The following NDC80 variants were observed in gnomAD, a reference collection of about 807,000 sequenced individuals.
NDC80 encodes the protein kinetochore protein NDC80 homolog.
A neutral mutation model predicts 89.3 loss-of-function variants in NDC80; 69 were observed. The observed-to-expected ratio is 0.77, with a 90% CI of 0.64 to 0.94. The LOEUF is 0.94. Ranked by LOEUF, NDC80 falls within the 40% of genes least tolerant of loss-of-function variation. The probability of loss-of-function intolerance (pLI) is 0.00; values close to 1 mark genes in which losing one functional copy is unlikely to be tolerated. For missense variants in NDC80, 593 were observed against 739.6 expected, an observed-to-expected ratio of 0.80 and a Z score of 2.30; for synonymous variants, 243 against 255.6, an observed-to-expected ratio of 0.95 and a Z score of 0.47.
chr18:2,589,807 T>C (rs1380652847), intron 9 of NDC80, among the ~76,000 whole-genome samples: 1 of 134,982 alleles, frequency 7.4e-6, no homozygotes, highest in East Asian at 1.9e-4. Context: ...ATATTTGTGC[T>C]TTTTCAACCC....
At chr18:2,584,788 T>C (rs1300366799) in intron 6 of NDC80, among the ~76,000 whole-genome samples, 1 of 152,190 alleles carries the variant, frequency 6.6e-6, no homozygotes, top group Non-Finnish European at 1.5e-5. Context: ...TGTGTATATT[T>C]GCACTTACTG....
rs774322324 is a variant in NDC80, at chr18:2,599,140, A to G, written c.1343A>G (p.Asn448Ser). The G allele has an allele frequency of 5.0e-6, 8 of 1,613,054 alleles. No homozygotes were observed. In the South Asian group the frequency reaches 8.8e-5, roughly 18 times the overall value. The change falls in exon 12 of 17, where the codon AAC (asparagine) becomes AGC (serine). Residue 448 changes from asparagine to serine, a missense_variant. Physicochemically the swap from Asn to Ser is conservative, Grantham distance 46. Coordinates refer to ENST00000261597, the MANE Select transcript of NDC80 (RefSeq NM_006101.3). ...EIKFNPEAGA[N>S]CLVKYRAQVY... is the part of the protein sequence containing the mutation. ...AAGTTTAATCCCGAGGCTGGTGCCA[A>G]CTGCCTTGTCAAATACAGGGCTCAA...
intron 16 of NDC80, among the ~76,000 whole-genome samples, chr18:2,612,956 C>T (rs1388642962): frequency 4.6e-5 from 7 of 152,212 alleles, no homozygotes; most frequent in Non-Finnish European, 1.5e-5. Context: ...GGAAACTTTA[C>T]AATGAGTAAT....
At position 2,612,276 on chromosome 18, in the gene NDC80, C is replaced by CTTTTTTTTTTTTT. The variant is rs55648444; in HGVS notation, c.1791+1436_1791+1448dup. On this transcript the variant is annotated intron_variant, in intron 16 of 16. Transcript: ENST00000261597. ...TAGCACCTCTGACTTTCTTTTCTTT[C>CTTTTTTTTTTTTT]TTTTTTTTTTTTTTTTTTTTTTTTT... Among the ~76,000 whole-genome samples the CTTTTTTTTTTTTT allele has an allele frequency of 2.2e-3, 130 of 60,414 alleles. 11 individuals carry two copies. Among genetic ancestry groups the CTTTTTTTTTTTTT allele is most frequent in the African/African-American group, 3.2e-3 (49 of 15,514 alleles). The allele number at this position is 60,414 out of a possible 152,430, so 39.6% of individuals were successfully genotyped here.
chr18:2,572,953 T>C lies in NDC80; in HGVS notation c.-9-24T>C, dbSNP rs534491153. On this transcript the variant is annotated intron_variant, in intron 1 of 16. Coordinates refer to ENST00000261597, the MANE Select transcript of NDC80 (RefSeq NM_006101.3). ...CCATCTCTGTCTGGAAAGTTTTTTT[T>C]AAATACTGAATTCGTGAATGTAGGT... 493 of 1,592,030 alleles carry C rather than the reference T, an allele frequency of 3.1e-4. 12 individuals are homozygous for C. The South Asian group carries it at 5.3e-3, about 17-fold the overall frequency.
rs368083957 is a variant in NDC80, at chr18:2,573,135, C to G, written c.101+49C>G. The G allele has an allele frequency of 1.5e-4, 217 of 1,401,612 alleles. No individual in the cohort carries two copies. The African/African-American group carries it at 2.5e-3, about 16-fold the overall frequency. The allele number at this position is 1,401,612 out of a possible 1,614,324, so 86.8% of individuals were successfully genotyped here. ...AATTTGCATGCTTTATCATCTTAGG[C>G]AAAGAAATCATAAGAAATAGTTAAT... On this transcript the variant is annotated intron_variant, in intron 2 of 16. Coordinates refer to ENST00000261597, the MANE Select transcript of NDC80 (RefSeq NM_006101.3).
At chr18:2,612,735 C>T (rs1382792057) in intron 16 of NDC80, among the ~76,000 whole-genome samples, 1 of 152,116 alleles carries the variant, frequency 6.6e-6, no homozygotes. Context: ...TGGTAAGTTA[C>T]TATTATTTTT....
intron 16 of NDC80, among the ~76,000 whole-genome samples, 164 bp downstream of exon 16, chr18:2,611,025 A>T (rs2072741486): frequency 6.7e-6 from 1 of 149,524 alleles, no homozygotes; most frequent in Non-Finnish European, 1.5e-5. Flanking sequence ...TGGCAACGTG[A>T]TGCAGGGGAA....
Position 2,578,996 on chromosome 18 carries a change from G to T in NDC80, c.546G>T (p.Val182=). ...CTCCTCATACATGGCCTCACATTGT[G>T]GCAGCCTTAGTTTGGCTAATAGACT... The part of the protein sequence containing the change: ...VGAPHTWPHI[V]AALVWLIDCI... Residue 182 remains valine (V), a synonymous_variant, in exon 6 of 17, where the codon GTG becomes GTT. Transcript: ENST00000261597. 6.3e-7 allele frequency: 1 copy of T among 1,577,728 alleles called. No homozygotes were observed. Among genetic ancestry groups the T allele is most frequent in the Non-Finnish European group, 8.6e-7 (1 of 1,161,750 alleles).
At chr18:2,593,988 C>T (rs900773119) in intron 10 of NDC80, 2 of 169,226 alleles carry the variant, frequency 1.2e-5, no homozygotes, top group Non-Finnish European at 2.5e-5. Context: ...CAGCAGCCTC[C>T]GCCTCCCAGA....
chr18:2,611,406 T>C (rs1042468328), intron 16 of NDC80, among the ~76,000 whole-genome samples: 1 of 152,228 alleles, frequency 6.6e-6, no homozygotes, highest in Admixed American at 6.5e-5. Flanking sequence ...TATGATGTTA[T>C]GTATTACACC....
chr18:2,614,967 G>C (rs1445955251), intron 16 of NDC80: 1 of 152,254 alleles, frequency 6.6e-6, no homozygotes, highest in Non-Finnish European at 1.5e-5. Context: ...CGGATGCTGG[G>C]GTGAAGCAGC....
chr18:2,574,952 T>G, intron 2 of NDC80, 37 bp from the exon 3 acceptor site: 3 of 1,362,162 alleles, frequency 2.2e-6, no homozygotes, highest in Non-Finnish European at 3.1e-6. Flanking sequence ...TAATTTTAAT[T>G]TTTATTTTAA....
chr18:2,579,176 C>T, intron 6 of NDC80, 147 bp downstream of exon 6: 1 of 427,340 alleles, frequency 2.3e-6, no homozygotes. Context: ...TTAAGTTTTT[C>T]AAACTATTAT....
At chr18:2,610,985 A>C (rs2072741147) in intron 16 of NDC80, 124 bp downstream of exon 16, 4 of 499,462 alleles carry the variant, frequency 8.0e-6, no homozygotes, top group Non-Finnish European at 1.3e-5. Flanking sequence ...ATCTGGCAAA[A>C]ATTTATCAGA....
intron 2 of NDC80, among the ~76,000 whole-genome samples, chr18:2,573,677 A>C (rs1250106696): frequency 6.6e-6 from 1 of 152,238 alleles, no homozygotes; most frequent in Non-Finnish European, 1.5e-5. Flanking sequence ...ACCGAGGTAC[A>C]AGTTACTTGC....
In NDC80 at chr18:2,573,010, G is replaced by A. The variant is rs752718727; in HGVS notation, c.25G>A (p.Gly9Ser). The change falls in exon 2 of 17, where the codon GGT (glycine) becomes AGT (serine). Residue 9 changes from glycine to serine, a missense_variant. Physicochemically the swap from Gly to Ser is moderately conservative, Grantham distance 56. Transcript: ENST00000261597. ...CATGAAGCGCAGTTCAGTTTCCAGC[G>A]GTGGTGCTGGCCGCCTCTCCATGCA... MKRSSVSSGGAGRLSMQEL... is the reference protein window; with the variant it reads MKRSSVSSSGAGRLSMQEL... 7 of 1,613,894 alleles carry A rather than the reference G, an allele frequency of 4.3e-6. No individual in the cohort carries two copies. Among genetic ancestry groups the A allele is most frequent in the Admixed American group, 1.7e-5 (1 of 59,982 alleles).
chr18:2,585,605 G>A (rs1399769534), intron 7 of NDC80, among the ~76,000 whole-genome samples: 1 of 151,988 alleles, frequency 6.6e-6, no homozygotes, highest in Non-Finnish European at 1.5e-5. Flanking sequence ...TCAAACCATC[G>A]TTAAGTCAGG....
chr18:2,586,735 A>C (rs982750007), intron 7 of NDC80, among the ~76,000 whole-genome samples: 6 of 152,166 alleles, frequency 3.9e-5, no homozygotes, highest in Non-Finnish European at 7.4e-5. Flanking sequence ...GTCTCAAAAA[A>C]AAAAGTGTTA....
Sources: gnomAD v4.1 joint callset for allele counts (sites outside exome capture counted in the v4.1 genomes callset) on GRCh38, gnomAD v4.1.1 for gene constraint, MANE v1.5 for transcripts, NCBI Gene and HGNC (gene_info 2026-07-23, HGNC 2026-07-21) for gene names.